The following FILIP1L variants were observed in gnomAD, a reference collection of about 807,000 sequenced individuals.
FILIP1L encodes the protein filamin A-interacting protein 1-like.
A neutral mutation model predicts 96.6 loss-of-function variants in FILIP1L; 55 were observed. The ratio of observed to expected loss-of-function variants is 0.57; its 90% CI spans 0.46 to 0.71. The LOEUF is 0.71. FILIP1L is among the 30% of genes least tolerant of loss of function. The pLI is 0.00. For synonymous variants in FILIP1L, 467 were observed against 473.9 expected, an observed-to-expected ratio of 0.99 and a Z score of 0.19; for missense variants, 1,304 against 1,321.2, an observed-to-expected ratio of 0.99 and a Z score of 0.20.
chr3:99,879,984 A>G (rs994171474), intron 4 of FILIP1L, among the ~76,000 whole-genome samples: 1 of 152,130 alleles, frequency 6.6e-6, no homozygotes, highest in Non-Finnish European at 1.5e-5. Flanking sequence ...GCTACCTTCT[A>G]CCACCTTACC....
chr3:99,881,575 C>T (rs1047085255), intron 4 of FILIP1L, among the ~76,000 whole-genome samples: 5 of 151,840 alleles, frequency 3.3e-5, no homozygotes, highest in African/African-American at 1.2e-4. Flanking sequence ...CTCTGTTGCC[C>T]AGATTGGAGT....
At chr3:99,976,731 G>T (rs1222616403) in intron 1 of FILIP1L, among the ~76,000 whole-genome samples, 1 of 151,904 alleles carries the variant, frequency 6.6e-6, no homozygotes, top group Admixed American at 6.6e-5. Context: ...TTATTTTATT[G>T]TTGTTACTTA....
intron 5 of FILIP1L, among the ~76,000 whole-genome samples, chr3:99,841,027 C>G (rs527597031): frequency 1.9e-3 from 296 of 152,334 alleles, no homozygotes; most frequent in African/African-American, 6.7e-3. Context: ...GGCAGTGAAT[C>G]TTTCATCTCC....
chr3:99,853,083 T>C (rs1943784712), intron 4 of FILIP1L, among the ~76,000 whole-genome samples: 1 of 152,174 alleles, frequency 6.6e-6, no homozygotes, highest in South Asian at 2.1e-4. Context: ...CATCCCTATC[T>C]GAGACACATG....
chr3:99,920,709 C>T (rs951891777), intron 4 of FILIP1L, among the ~76,000 whole-genome samples: 3 of 152,296 alleles, frequency 2.0e-5, no homozygotes, highest in Admixed American at 2.0e-4. Context: ...ATTACGACAG[C>T]GACATCACTT....
At chr3:99,913,087 G>A (rs560046728) in intron 4 of FILIP1L, among the ~76,000 whole-genome samples, 1 of 151,952 alleles carries the variant, frequency 6.6e-6, no homozygotes, top group East Asian at 1.9e-4. Flanking sequence ...GAAACAAGGA[G>A]ACGACAGCGG....
intron 1 of FILIP1L, among the ~76,000 whole-genome samples, chr3:100,024,821 A>G (rs2064889215): frequency 1.3e-5 from 2 of 152,140 alleles, no homozygotes; most frequent in South Asian, 2.1e-4. Context: ...GAGGGGGTCC[A>G]GGGTGGTTAC....
chr3:99,874,221 T>C (rs1383056098), intron 4 of FILIP1L: 1 of 152,210 alleles, frequency 6.6e-6, no homozygotes, highest in Non-Finnish European at 1.5e-5. Flanking sequence ...TGTTAGAATT[T>C]TGATGGAAGT....
chr3:99,848,587 G>C lies in FILIP1L; in HGVS notation c.3089C>G (p.Ala1030Gly). ...PEPTEISAKH[A>G]IFRVSPDRQS... is the part of the protein sequence containing the mutation. ...CCGGTCTGGGGAGACTCTGAATATCGCATGCTTGGCACTGATTTCTGTTGG... is the reference window on the plus strand; with the variant it reads ...CCGGTCTGGGGAGACTCTGAATATCCCATGCTTGGCACTGATTTCTGTTGG... The change falls in exon 5 of 6, where the codon GCG becomes GGG. Residue 1030 changes from alanine to glycine, a missense_variant. Physicochemically the swap from Ala to Gly is moderately conservative, Grantham distance 60. Coordinates refer to ENST00000477258, the MANE Select transcript of FILIP1L (RefSeq NM_001387850.1). The C allele has an allele frequency of 1.2e-6, 2 of 1,614,134 alleles. No homozygotes were observed. The highest frequency in any genetic ancestry group is 1.3e-5 in the African/African-American group (1 of 75,022).
chr3:100,060,626 A>G (rs1476171548), intron 1 of FILIP1L, among the ~76,000 whole-genome samples: 1 of 152,124 alleles, frequency 6.6e-6, no homozygotes, highest in African/African-American at 2.4e-5. Flanking sequence ...AGGCTGAAGC[A>G]GACAGATACC....
chr3:99,962,516 TC>T (rs1708523582), intron 1 of FILIP1L, among the ~76,000 whole-genome samples: 1 of 152,220 alleles, frequency 6.6e-6, no homozygotes, highest in Non-Finnish European at 1.5e-5. Context: ...TGACCATTTC[TC>T]CAGCAACAAT....
At chr3:100,093,568 C>T (rs2066150581) in intron 1 of FILIP1L, among the ~76,000 whole-genome samples, 1 of 152,094 alleles carries the variant, frequency 6.6e-6, no homozygotes, top group Non-Finnish European at 1.5e-5. Flanking sequence ...CAACCAGTTT[C>T]CTCCAATGGT....
intron 1 of FILIP1L, among the ~76,000 whole-genome samples, chr3:99,934,998 G>C (rs1707615528): frequency 6.6e-6 from 1 of 152,086 alleles, no homozygotes; most frequent in African/African-American, 2.4e-5. Flanking sequence ...GTCTACTGAG[G>C]AGCATGTGTC....
At chr3:99,857,736 T>C (rs1944038915) in intron 4 of FILIP1L, among the ~76,000 whole-genome samples, 1 of 152,226 alleles carries the variant, frequency 6.6e-6, no homozygotes, top group South Asian at 2.1e-4. Context: ...TTGTTTCTAT[T>C]AGTTTCAGAA....
At chr3:100,021,293 G>A (rs924314566) in intron 1 of FILIP1L, among the ~76,000 whole-genome samples, 4 of 152,116 alleles carry the variant, frequency 2.6e-5, no homozygotes, top group African/African-American at 4.8e-5. Context: ...ATTCTTCTTT[G>A]GAGTTGTTAA....
At chr3:100,025,311 A>G (rs1018658293) in intron 1 of FILIP1L, 1 of 152,208 alleles carries the variant, frequency 6.6e-6, no homozygotes, top group African/African-American at 2.4e-5. Flanking sequence ...TTTGAGCCAG[A>G]TGATTAGGTT....
intron 4 of FILIP1L, among the ~76,000 whole-genome samples, chr3:99,920,882 AT>A (rs1707104043): frequency 6.6e-6 from 1 of 152,164 alleles, no homozygotes; most frequent in Non-Finnish European, 1.5e-5. Context: ...GTAGTTCTTA[AT>A]TTTTGTTTTA....
Position 99,906,539 on chromosome 3 carries a change from CT to C in FILIP1L, c.605+17690del, listed in dbSNP as rs1706624349. 4.6e-5 allele frequency among the ~76,000 whole-genome samples: 7 copies of C among 152,274 alleles called. No homozygotes were observed. The South Asian group carries it at 1.4e-3, about 32-fold the overall frequency. ...ACTTATTTATTTCAATAAAGTCTTA[CT>C]TTTTTAACCTTTTATGATTGGTGAC... On this transcript the variant is annotated intron_variant, in intron 4 of 5. Coordinates refer to ENST00000477258, the MANE Select transcript of FILIP1L (RefSeq NM_001387850.1).
At chr3:100,049,926 A>G (rs952188460) in intron 1 of FILIP1L, among the ~76,000 whole-genome samples, 4 of 152,200 alleles carry the variant, frequency 2.6e-5, no homozygotes, top group Admixed American at 6.5e-5. Context: ...CAAAAGTTAT[A>G]TGCGATTTTC....
Sources: allele counts gnomAD v4.1 joint callset (sites outside exome capture counted in the v4.1 genomes callset), GRCh38; gene constraint gnomAD v4.1.1; transcripts MANE v1.5; gene names NCBI Gene and HGNC (gene_info 2026-07-23, HGNC 2026-07-21).